The following MED28 variants were observed in gnomAD, a reference collection of about 807,000 sequenced individuals.
MED28 encodes mediator of RNA polymerase II transcription subunit 28.
MED28 carries 26 observed loss-of-function variants against 21.3 expected under a neutral mutation model. The ratio of observed to expected loss-of-function variants is 1.22; its 90% CI spans 0.89 to 1.69. The LOEUF (loss-of-function observed/expected upper bound fraction) is 1.69, where lower values mean the gene tolerates loss of function less well. MED28 is among the 40% of genes most tolerant of loss of function. The pLI is 0.00. For synonymous variants in MED28, 110 were observed against 87.6 expected, an observed-to-expected ratio of 1.26 and a Z score of -1.43; for missense variants, 257 against 215.4, an observed-to-expected ratio of 1.19 and a Z score of -1.21.
rs1714829710 is a variant in MED28 at position 17,628,417 on chromosome 4, A to T, written c.*4619A>T. The T allele has an allele frequency of 6.6e-6, 1 of 152,036 alleles. No individual in the cohort carries two copies. The highest frequency in any genetic ancestry group is 2.4e-5 in the African/African-American group (1 of 41,394). 9.4% of individuals were successfully genotyped at this position (152,036 alleles called of 1,614,324 possible). ...CTTCCTATAAATAAGATGTATTGAG[A>T]TGCTCAGTGCCCCCATTCTGACAGC... is the stretch of plus-strand genomic sequence containing the variant. On this transcript the variant is annotated 3_prime_UTR_variant, in exon 4 of 4. Transcript: ENST00000237380.
chr4:17,622,917 A>G (rs953311905), intron 3 of MED28, among the ~76,000 whole-genome samples: 1 of 152,186 alleles, frequency 6.6e-6, no homozygotes, highest in Non-Finnish European at 1.5e-5. Flanking sequence ...CACTACCAGG[A>G]GAACAGCATG....
In MED28 at chr4:17,623,766, G is replaced by A. The variant is rs1714701058; in HGVS notation, c.505G>A (p.Ala169Thr). 6.2e-7 allele frequency: 1 copy of A among 1,614,104 alleles called. No individual in the cohort carries two copies. Among genetic ancestry groups the A allele is most frequent in the Non-Finnish European group, 8.5e-7 (1 of 1,179,968 alleles). The part of the protein sequence containing the change: ...GSLAYLEQAS[A>T]NIPAPLKPT ...CTTGGCCTACCTGGAGCAGGCATCT[G>A]CCAACATCCCTGCACCTCTGAAGCC... The change falls in exon 4 of 4, where the codon GCC becomes ACC. Residue 169 changes from alanine to threonine, a missense_variant. By Grantham distance (58) the Ala-to-Thr change is moderately conservative. Transcript: ENST00000237380.
At chr4:17,620,260 T>TA (rs1447283061) in intron 2 of MED28, among the ~76,000 whole-genome samples, 2 of 152,196 alleles carry the variant, frequency 1.3e-5, no homozygotes, top group African/African-American at 4.8e-5. Context: ...GAATAGGTCT[T>TA]ACAGAGAAAA....
In MED28 at chr4:17,630,295, T is replaced by C. The variant is rs889957141; in HGVS notation, c.*6497T>C. On this transcript the variant is annotated 3_prime_UTR_variant, in exon 4 of 4. Transcript: ENST00000237380. ...TGATGTCCCTTCCAAAATTCATATG[T>C]TGGAACCTAATGTCAATGTAATAGT... 1 of 152,230 alleles carries C rather than the reference T, an allele frequency of 6.6e-6. No homozygotes were observed. The highest frequency in any genetic ancestry group is 1.5e-5 in the Non-Finnish European group (1 of 68,054). 9.4% of individuals were successfully genotyped at this position (152,230 alleles called of 1,614,324 possible). A position where few individuals can be genotyped will look rare whatever the true frequency, so the allele number is the denominator to read the frequency against.
rs973058266 is a variant in MED28 at position 17,614,692 on chromosome 4, C to T, written c.38C>T (p.Pro13Leu). ...APLGGMFSGQ[P>L]PGPPQAPPGL... ...CTAGGGGGTATGTTTTCTGGGCAGCCACCCGGTCCCCCTCAGGCCCCGCCG... is the reference window on the plus strand; with the variant it reads ...CTAGGGGGTATGTTTTCTGGGCAGCTACCCGGTCCCCCTCAGGCCCCGCCG... Residue 13 changes from proline (P) to leucine (L), a missense_variant, in exon 1 of 4, where the codon CCA (proline) becomes CTA (leucine). Coordinates refer to ENST00000237380, the MANE Select transcript of MED28 (RefSeq NM_025205.5). The T allele has an allele frequency of 3.7e-6, 6 of 1,613,668 alleles. No individual in the cohort carries two copies. The African/African-American group carries it at 4.0e-5, about 11-fold the overall frequency.
In MED28 at chr4:17,623,955, A is replaced by T; in HGVS notation, c.*157A>T. The T allele has an allele frequency of 1.3e-6, 1 of 759,602 alleles. No individual in the cohort carries two copies. 47.1% of individuals were successfully genotyped at this position (759,602 alleles called of 1,614,324 possible). On this transcript the variant is annotated 3_prime_UTR_variant, in exon 4 of 4. Transcript: ENST00000237380. ...TTGAAAAATTTTCCACTATTTTTAT[A>T]AGCTGTTAATTTCTTGAGTACTTTA...
intron 1 of MED28, 24 bp from the exon 2 acceptor site, chr4:17,619,873 TTTTC>T (rs1318699480): frequency 6.2e-7 from 1 of 1,605,160 alleles, no homozygotes; most frequent in Non-Finnish European, 8.5e-7. Context: ...AATGATATTT[TTTTC>T]TTTCCTATGT....
Position 17,625,322 on chromosome 4 carries a change from A to T in MED28, c.*1524A>T, listed in dbSNP as rs1292103508. 5.6e-6 allele frequency: 1 copy of T among 178,568 alleles called. No individual in the cohort carries two copies. The highest frequency in any genetic ancestry group is 2.4e-5 in the African/African-American group (1 of 41,822). 11.1% of individuals were successfully genotyped at this position (178,568 alleles called of 1,614,324 possible). ...TCTGGCACATGGATCTCTGATTACC[A>T]GCCTGACATCAACAAATCCCCTCAG... On this transcript the variant is annotated 3_prime_UTR_variant, in exon 4 of 4. Coordinates refer to ENST00000237380, the MANE Select transcript of MED28 (RefSeq NM_025205.5).
At position 17,632,789 on chromosome 4, in the gene MED28, G is replaced by T; in HGVS notation, c.*8991G>T. 3.7e-6 allele frequency: 2 copies of T among 546,298 alleles called. No homozygotes were observed. The highest frequency in any genetic ancestry group is 4.3e-5 in the South Asian group (2 of 46,466). The allele number at this position is 546,298 out of a possible 1,614,324, so 33.8% of individuals were successfully genotyped here. A position where few individuals can be genotyped will look rare whatever the true frequency, so the allele number is the denominator to read the frequency against. ...GTGGGAAACAAATTGTAAAGGATGG[G>T]GCTGGGGAGGGAGTACCTAATCCTC... On this transcript the variant is annotated 3_prime_UTR_variant, in exon 4 of 4. Coordinates refer to ENST00000237380, the MANE Select transcript of MED28 (RefSeq NM_025205.5).
chr4:17,621,465 T>G, intron 2 of MED28, 122 bp from the exon 3 acceptor site: 1 of 623,904 alleles, frequency 1.6e-6, no homozygotes, highest in Non-Finnish European at 2.7e-6. Context: ...GTGGCCAAGA[T>G]TAAAATCCCT....
At chr4:17,619,550 A>C (rs1007483200) in intron 1 of MED28, among the ~76,000 whole-genome samples, 3 of 152,176 alleles carry the variant, frequency 2.0e-5, no homozygotes, top group Admixed American at 2.0e-4. Context: ...GATTGTCCTG[A>C]GTCCTGAATG....
chr4:17,620,168 T>A, intron 2 of MED28: 1 of 578,238 alleles, frequency 1.7e-6, no homozygotes, highest in Admixed American at 3.1e-5. Context: ...GAATCATTTA[T>A]AATGAACTTT....
chr4:17,632,656 T>C lies in MED28; in HGVS notation c.*8858T>C. On this transcript the variant is annotated 3_prime_UTR_variant, in exon 4 of 4. Coordinates refer to ENST00000237380, the MANE Select transcript of MED28 (RefSeq NM_025205.5). ...AGCAAAAAAAGGTTTTTTTATATGG[T>C]TTTGAAAACTATGCAAGAAGCAGCT... The C allele has an allele frequency of 2.1e-6, 3 of 1,421,630 alleles. No homozygotes were observed. Among genetic ancestry groups the C allele is most frequent in the Non-Finnish European group, 2.9e-6 (3 of 1,033,654 alleles). The allele number at this position is 1,421,630 out of a possible 1,614,324, so 88.1% of individuals were successfully genotyped here.
intron 1 of MED28, among the ~76,000 whole-genome samples, chr4:17,615,247 T>G (rs1408803478): frequency 6.6e-6 from 1 of 152,186 alleles, no homozygotes; most frequent in Non-Finnish European, 1.5e-5. Context: ...GAAATTGACT[T>G]AAGTTACCAG....
Position 17,633,178 on chromosome 4 carries a change from T to TC in MED28, c.*9383dup, listed in dbSNP as rs1715015931. ...CTTAGGTGATCCACCCACCTCCATC[T>TC]CCCAAAGTGCTGGGATTACAGGCGT... On this transcript the variant is annotated 3_prime_UTR_variant, in exon 4 of 4. Transcript: ENST00000237380. The TC allele has an allele frequency of 6.5e-6, 1 of 153,840 alleles. No homozygotes were observed. The highest frequency in any genetic ancestry group is 1.4e-5 in the Non-Finnish European group (1 of 69,194). 9.5% of individuals were successfully genotyped at this position (153,840 alleles called of 1,614,324 possible). A position where few individuals can be genotyped will look rare whatever the true frequency, so the allele number is the denominator to read the frequency against.
intron 1 of MED28, among the ~76,000 whole-genome samples, chr4:17,618,380 G>T (rs1479810482): frequency 6.6e-6 from 1 of 152,210 alleles, no homozygotes. Context: ...CTGTCTGGTA[G>T]GCCTCCTGGC....
At chr4:17,623,210 A>C (rs1391675826) in intron 3 of MED28, among the ~76,000 whole-genome samples, 1 of 152,128 alleles carries the variant, frequency 6.6e-6, no homozygotes, top group African/African-American at 2.4e-5. Flanking sequence ...AGATTAGCCT[A>C]GCCAACATGG....
In MED28 at chr4:17,614,737, C is replaced by A. The variant is rs1263971791; in HGVS notation, c.83C>A (p.Ser28Ter). The part of the protein sequence containing the change: ...QAPPGLPGQA[S>*]LLQAAPGAPR... ...CCGCCGGGCCTTCCGGGCCAAGCTTCGCTTCTTCAGGCAGCTCCAGGCGCT... is the reference window on the plus strand; with the variant it reads ...CCGCCGGGCCTTCCGGGCCAAGCTTAGCTTCTTCAGGCAGCTCCAGGCGCT... Residue 28 changes from serine (S) to a stop codon, truncating the protein, a stop_gained, in exon 1 of 4, where the codon TCG (serine) becomes TAG (stop). Transcript: ENST00000237380. LOFTEE classifies it high-confidence loss of function. 1 of 1,614,260 alleles carries A rather than the reference C, an allele frequency of 6.2e-7. No homozygotes were observed. The highest frequency in any genetic ancestry group is 1.1e-5 in the South Asian group (1 of 91,086).
chr4:17,622,869 T>C (rs151333319), intron 3 of MED28, among the ~76,000 whole-genome samples: 1,923 of 152,162 alleles, frequency 0.013, 47 homozygotes, highest in African/African-American at 0.044. Context: ...GCAAGGAAAC[T>C]CCCATTTTTA....
Sources: allele counts gnomAD v4.1 joint callset (sites outside exome capture counted in the v4.1 genomes callset), GRCh38; gene constraint gnomAD v4.1.1; transcripts MANE v1.5; gene names NCBI Gene and HGNC (gene_info 2026-07-23, HGNC 2026-07-21).